OLFM2: variants seen among roughly 807,000 people sequenced by gnomAD.
OLFM2 encodes the protein noelin-2.
In OLFM2, 20 loss-of-function variants were observed where a neutral mutation model predicts 43.9. The ratio of observed to expected loss-of-function variants is 0.46; its 90% CI spans 0.32 to 0.66. OLFM2 has a LOEUF of 0.66. Ranked by LOEUF, OLFM2 falls within the 30% of genes least tolerant of loss-of-function variation. The pLI is 0.04. For missense variants in OLFM2, 416 were observed against 643.6 expected (o/e 0.65, Z 3.83); for synonymous variants, 268 against 278.6 (o/e 0.96, Z 0.38).
intron 1 of OLFM2, among the ~76,000 whole-genome samples, chr19:9,934,112 G>A (rs571909915): frequency 6.6e-6 from 1 of 152,326 alleles, no homozygotes; most frequent in East Asian, 1.9e-4. Context: ...GGACAGGGAA[G>A]AAGTCTTTGG....
chr19:9,887,398 C>A (rs1432311206), intron 1 of OLFM2, among the ~76,000 whole-genome samples: 1 of 152,068 alleles, frequency 6.6e-6, no homozygotes, highest in African/African-American at 2.4e-5. Flanking sequence ...AGGCTGGTCT[C>A]AAACTCCTAA....
chr19:9,870,913 C>T (rs2145444033), intron 1 of OLFM2, among the ~76,000 whole-genome samples: 1 of 152,036 alleles, frequency 6.6e-6, no homozygotes, highest in East Asian at 2.0e-4. Context: ...TGGTGCATGT[C>T]TGTGGTTTAC....
chr19:9,883,343 G>A (rs2046556911), intron 1 of OLFM2, among the ~76,000 whole-genome samples: 1 of 152,060 alleles, frequency 6.6e-6, no homozygotes, highest in Admixed American at 6.6e-5. Flanking sequence ...GTAAGCCCAA[G>A]ACTTTCAGAT....
At chr19:9,906,024 G>A (rs924057085) in intron 1 of OLFM2, among the ~76,000 whole-genome samples, 28 of 152,096 alleles carry the variant, frequency 1.8e-4, no homozygotes, top group Non-Finnish European at 3.8e-4. Flanking sequence ...CCCCTTACAC[G>A]ATGGGGCGTG....
chr19:9,908,464 ATTTTTTTTTTTTT>A (rs34305631), intron 1 of OLFM2, among the ~76,000 whole-genome samples: 2 of 40,344 alleles, frequency 5.0e-5, no homozygotes, highest in African/African-American at 1.2e-4. Flanking sequence ...CACCTGGCTA[ATTTTTTTTTTTTT>A]TTTTTTTTTT....
intron 1 of OLFM2, among the ~76,000 whole-genome samples, chr19:9,908,282 G>A (rs1258488892): frequency 6.6e-6 from 1 of 151,782 alleles, no homozygotes; most frequent in Non-Finnish European, 1.5e-5. Context: ...GCACCACCAT[G>A]CCCAGCTAAT....
chr19:9,914,766 G>A (rs2046861764), intron 1 of OLFM2, among the ~76,000 whole-genome samples: 1 of 152,012 alleles, frequency 6.6e-6, no homozygotes, highest in South Asian at 2.1e-4. Flanking sequence ...CCGCTGGGCC[G>A]CGGAGAGGAG....
chr19:9,890,592 G>A (rs2046630302), intron 1 of OLFM2, among the ~76,000 whole-genome samples: 1 of 152,220 alleles, frequency 6.6e-6, no homozygotes, highest in Admixed American at 6.6e-5. Context: ...GACTTCCCCA[G>A]TGTGGCCACG....
At chr19:9,931,037 C>T (rs1286879280) in intron 1 of OLFM2, among the ~76,000 whole-genome samples, 4 of 152,186 alleles carry the variant, frequency 2.6e-5, no homozygotes, top group African/African-American at 4.8e-5. Context: ...ACAAACCTCA[C>T]TCGACCACTA....
At chr19:9,931,983 G>GTCCATCCA (rs1234797083) in intron 1 of OLFM2, among the ~76,000 whole-genome samples, 1 of 152,130 alleles carries the variant, frequency 6.6e-6, no homozygotes, top group African/African-American at 2.4e-5. Context: ...GTGTGAGGGG[G>GTCCATCCA]TCCATCCATC....
intron 1 of OLFM2, among the ~76,000 whole-genome samples, chr19:9,881,008 C>T (rs1226741609): frequency 1.3e-5 from 2 of 152,156 alleles, no homozygotes; most frequent in Non-Finnish European, 2.9e-5. Flanking sequence ...AGCAATTCTC[C>T]TGCCTCAGCC....
intron 1 of OLFM2, among the ~76,000 whole-genome samples, chr19:9,924,103 C>CAAAAAAAAAAA: frequency 4.8e-5 from 1 of 20,716 alleles, no homozygotes; most frequent in Non-Finnish European, 1.3e-4. Context: ...CTCGTCTCTA[C>CAAAAAAAAAAA]AAAAAAAAAA....
intron 1 of OLFM2, among the ~76,000 whole-genome samples, chr19:9,907,895 C>T (rs2046797314): frequency 6.6e-6 from 1 of 151,944 alleles, no homozygotes; most frequent in African/African-American, 2.4e-5. Context: ...ATCCTAGCTA[C>T]TTGGGAGGCT....
At chr19:9,914,505 G>A (rs2046859376) in intron 1 of OLFM2, among the ~76,000 whole-genome samples, 2 of 151,992 alleles carry the variant, frequency 1.3e-5, no homozygotes, top group Admixed American at 1.3e-4. Context: ...GGCCACGGGA[G>A]GAGTTCCCAC....
At chr19:9,918,334 A>G (rs1423954589) in intron 1 of OLFM2, among the ~76,000 whole-genome samples, 1 of 151,882 alleles carries the variant, frequency 6.6e-6, no homozygotes, top group Non-Finnish European at 1.5e-5. Context: ...GAGACTACAG[A>G]GGCACACCAC....
intron 1 of OLFM2, among the ~76,000 whole-genome samples, chr19:9,895,748 G>A (rs1234354677): frequency 6.6e-6 from 1 of 152,006 alleles, no homozygotes; most frequent in Admixed American, 6.6e-5. Context: ...TGATTCTCCT[G>A]CCCCAGCCTA....
chr19:9,935,628 T>C (rs1183977436), intron 1 of OLFM2, among the ~76,000 whole-genome samples: 1 of 152,000 alleles, frequency 6.6e-6, no homozygotes, highest in Non-Finnish European at 1.5e-5. Flanking sequence ...GCCACACACC[T>C]GGCCACACAC....
At chr19:9,918,923 C>T (rs1291987405) in intron 1 of OLFM2, among the ~76,000 whole-genome samples, 21 of 152,030 alleles carry the variant, frequency 1.4e-4, no homozygotes, top group Admixed American at 1.4e-3. Context: ...ATGAAAATGT[C>T]CTAAAATTGG....
At chr19:9,925,940 G>A (rs2086449658) in intron 1 of OLFM2, among the ~76,000 whole-genome samples, 1 of 151,308 alleles carries the variant, frequency 6.6e-6, no homozygotes, top group African/African-American at 2.4e-5. Context: ...TTGAAGACCA[G>A]CTTGAGCAAG....
Sources: gnomAD v4.1 joint callset for allele counts (sites outside exome capture counted in the v4.1 genomes callset) on GRCh38, gnomAD v4.1.1 for gene constraint, MANE v1.5 for transcripts, NCBI Gene and HGNC (gene_info 2026-07-23, HGNC 2026-07-21) for gene names.